TRDN: variants seen among roughly 807,000 people sequenced by gnomAD.
TRDN encodes triadin, also known as triadin in skeletal muscle.
Under a neutral mutation model 149.7 loss-of-function variants are expected in TRDN, and 161 were observed. The ratio of observed to expected loss-of-function variants is 1.08; its 90% CI spans 0.95 to 1.23. The LOEUF is 1.23. Ranked by LOEUF, TRDN falls within the 50% of genes most tolerant of loss-of-function variation. The pLI is 0.00. For missense variants in TRDN, 896 were observed against 823.5 expected (o/e 1.09, Z -1.08); for synonymous variants, 294 against 250.5 (o/e 1.17, Z -1.64).
At chr6:123,293,760 T>G (rs1312854269) in intron 24 of TRDN, among the ~76,000 whole-genome samples, 1 of 152,080 alleles carries the variant, frequency 6.6e-6, no homozygotes, top group Non-Finnish European at 1.5e-5. Context: ...CTTTAGGAAC[T>G]CCCTAGGGAG....
At chr6:123,632,404 C>G (rs1786053002) in intron 1 of TRDN, among the ~76,000 whole-genome samples, 1 of 151,774 alleles carries the variant, frequency 6.6e-6, no homozygotes, top group Non-Finnish European at 1.5e-5. Flanking sequence ...AATAGTGTGC[C>G]TTTTTTGTGA....
At chr6:123,390,556 T>C (rs1042965073) in intron 13 of TRDN, among the ~76,000 whole-genome samples, 3 of 152,122 alleles carry the variant, frequency 2.0e-5, no homozygotes, top group Admixed American at 1.3e-4. Context: ...CCCTTGAAGG[T>C]GCATGGCTTT....
At chr6:123,384,453 C>A (rs1254088923) in intron 14 of TRDN, among the ~76,000 whole-genome samples, 1 of 151,760 alleles carries the variant, frequency 6.6e-6, no homozygotes, top group Non-Finnish European at 1.5e-5. Flanking sequence ...ATAAATTCAA[C>A]CTAAAGTTTG....
intron 5 of TRDN, among the ~76,000 whole-genome samples, chr6:123,527,944 T>C (rs1481575405): frequency 1.3e-5 from 2 of 151,898 alleles, no homozygotes. Context: ...TTAACTAACA[T>C]GTCAGAGCTT....
intron 23 of TRDN, among the ~76,000 whole-genome samples, chr6:123,319,887 A>G (rs9401654): frequency 0.18 from 27,708 of 151,950 alleles, 3,496 homozygotes; most frequent in East Asian, 0.63. Context: ...GAGCTTCATT[A>G]GTGATTTTTC....
chr6:123,353,047 C>T lies in TRDN; in HGVS notation c.1322-461G>A, dbSNP rs760264296. On this transcript the variant is annotated intron_variant, in intron 20 of 40. Coordinates refer to ENST00000334268, the MANE Select transcript of TRDN (RefSeq NM_006073.4). The stretch of plus-strand genomic sequence containing the variant: ...AATATTAAATGAAACCATCCCAAAT[C>T]ATCAGTAACCAAAAGGGGATTATTT... Among the ~76,000 whole-genome samples, 54 of 151,938 alleles carry T rather than the reference C, an allele frequency of 3.6e-4. 1 individual carries two copies. Among genetic ancestry groups the T allele is most frequent in the Non-Finnish European group, 5.5e-4 (37 of 67,810 alleles).
chr6:123,365,580 A>G (rs1781064867), intron 20 of TRDN, among the ~76,000 whole-genome samples: 1 of 152,144 alleles, frequency 6.6e-6, no homozygotes, highest in Admixed American at 6.6e-5. Flanking sequence ...GTGTGTATGC[A>G]TCAGTGTATG....
At chr6:123,388,724 A>G (rs528485672) in intron 13 of TRDN, among the ~76,000 whole-genome samples, 173 bp from the exon 14 acceptor site, 1 of 152,306 alleles carries the variant, frequency 6.6e-6, no homozygotes, top group East Asian at 1.9e-4. Context: ...TCATATAAAG[A>G]TATTTGTAAA....
At chr6:123,485,295 A>G (rs1227175448) in intron 9 of TRDN, among the ~76,000 whole-genome samples, 1 of 152,178 alleles carries the variant, frequency 6.6e-6, no homozygotes, top group African/African-American at 2.4e-5. Context: ...AACTCCTTTA[A>G]GAAATCTTTA....
At chr6:123,369,060 A>C (rs1781223487) in intron 19 of TRDN, among the ~76,000 whole-genome samples, 1 of 152,174 alleles carries the variant, frequency 6.6e-6, no homozygotes, top group Non-Finnish European at 1.5e-5. Flanking sequence ...AGGCATTGGC[A>C]GGACCCTAGA....
intron 2 of TRDN, among the ~76,000 whole-genome samples, chr6:123,559,643 G>A (rs568999450): frequency 2.0e-5 from 3 of 152,240 alleles, no homozygotes; most frequent in Admixed American, 6.5e-5. Context: ...TGCTTTGAAA[G>A]GATTAAAGCC....
intron 1 of TRDN, among the ~76,000 whole-genome samples, chr6:123,613,628 A>G (rs1784919466): frequency 6.6e-6 from 1 of 152,218 alleles, no homozygotes; most frequent in Non-Finnish European, 1.5e-5. Context: ...ATATTCAGTA[A>G]ATATAAATTG....
At position 123,221,470 on chromosome 6, in the gene TRDN, T is replaced by A; in HGVS notation, c.2050+17A>T. On this transcript the variant is annotated intron_variant, in intron 40 of 40. Coordinates refer to ENST00000334268, the MANE Select transcript of TRDN (RefSeq NM_006073.4). ...ATACAGAATGATTTATTACTTTTAATCTCATTATAAACTTACTTTTCTGCT... is the reference window on the plus strand; with the variant it reads ...ATACAGAATGATTTATTACTTTTAAACTCATTATAAACTTACTTTTCTGCT... 1 of 1,522,312 alleles carries A rather than the reference T, an allele frequency of 6.6e-7. No individual in the cohort carries two copies. Among genetic ancestry groups the A allele is most frequent in the Non-Finnish European group, 9.0e-7 (1 of 1,107,200 alleles). 94.3% of individuals were successfully genotyped at this position (1,522,312 alleles called of 1,614,324 possible). A position where few individuals can be genotyped will look rare whatever the true frequency, so the allele number is the denominator to read the frequency against.
At position 123,381,421 on chromosome 6, in the gene TRDN, T is replaced by C. The variant is rs1315019308; in HGVS notation, c.1166-31A>G. On this transcript the variant is annotated intron_variant, in intron 15 of 40. Transcript: ENST00000334268. ...AGAAATACAAACAAAATCATTGCTC[T>C]TAAAACTTTAAAGATAAAACGTACT... 6 of 1,544,512 alleles carry C rather than the reference T, an allele frequency of 3.9e-6. No homozygotes were observed. In the South Asian group the frequency reaches 6.0e-5, roughly 15 times the overall value.
At chr6:123,251,634 T>C (rs1274483626) in intron 38 of TRDN, among the ~76,000 whole-genome samples, 1 of 151,950 alleles carries the variant, frequency 6.6e-6, no homozygotes. Context: ...AAATTAAAAT[T>C]ACATATATGT....
chr6:123,384,992 G>A lies in TRDN; in HGVS notation c.1136-2845C>T, dbSNP rs564432275. Among the ~76,000 whole-genome samples the A allele has an allele frequency of 5.3e-4, 81 of 152,278 alleles. 1 individual carries two copies. In the South Asian group the frequency reaches 0.016, roughly 30 times the overall value. Reference sequence around the variant, plus strand: ...ACTTCCCTGCCCAATAATCTGGGCAGTAGTCTTTTAAGAACATTGAGGCTC... The same window carrying A: ...ACTTCCCTGCCCAATAATCTGGGCAATAGTCTTTTAAGAACATTGAGGCTC... On this transcript the variant is annotated intron_variant, in intron 14 of 40. Transcript: ENST00000334268.
rs78993006 is a variant in TRDN at position 123,628,616 on chromosome 6, A to G, written c.22+8138T>C. ...ATTCATTTTCTTTGAAAAATGCAATATCTGTGGCATGCAATAAAGCAAAGT... is the reference window on the plus strand; with the variant it reads ...ATTCATTTTCTTTGAAAAATGCAATGTCTGTGGCATGCAATAAAGCAAAGT... On this transcript the variant is annotated intron_variant, in intron 1 of 40. Transcript: ENST00000334268. 4.9e-3 allele frequency among the ~76,000 whole-genome samples: 747 copies of G among 152,300 alleles called. 8 individuals carry two copies. The highest frequency in any genetic ancestry group is 8.4e-3 in the Non-Finnish European group (573 of 68,016).
chr6:123,276,943 A>G (rs1035850205), intron 26 of TRDN, among the ~76,000 whole-genome samples: 8 of 152,160 alleles, frequency 5.3e-5, no homozygotes, highest in African/African-American at 1.9e-4. Flanking sequence ...GGACAGGGCC[A>G]CTGTTCCACC....
At chr6:123,410,874 C>A (rs553729569) in intron 12 of TRDN, among the ~76,000 whole-genome samples, 1 of 151,952 alleles carries the variant, frequency 6.6e-6, no homozygotes, top group East Asian at 1.9e-4. Flanking sequence ...AAATACATAA[C>A]AAAATGACAC....
Sources: allele counts gnomAD v4.1 joint callset (sites outside exome capture counted in the v4.1 genomes callset), GRCh38; gene constraint gnomAD v4.1.1; transcripts MANE v1.5; gene names NCBI Gene and HGNC (gene_info 2026-07-23, HGNC 2026-07-21).